VPS13A: variants seen among roughly 807,000 people sequenced by gnomAD.
VPS13A encodes intermembrane lipid transfer protein VPS13A.
Under a neutral mutation model 390.9 loss-of-function variants are expected in VPS13A, and 264 were observed. That is an observed-to-expected ratio of 0.68 (90% CI 0.61 to 0.75). The LOEUF is 0.75. Among genes scored for constraint, VPS13A ranks in the 30% least tolerant of loss-of-function variants. The probability of loss-of-function intolerance (pLI) is 0.00; values close to 1 mark genes in which losing one functional copy is unlikely to be tolerated. For missense variants in VPS13A, 3,409 were observed against 3,733.9 expected (o/e 0.91, Z 2.27); for synonymous variants, 1,231 against 1,227.1 (o/e 1.00, Z -0.07).
chr9:77,345,983 G>A (rs951202564), intron 52 of VPS13A, among the ~76,000 whole-genome samples: 2 of 152,098 alleles, frequency 1.3e-5, no homozygotes, highest in African/African-American at 2.4e-5. Flanking sequence ...CTAAACATGT[G>A]TGCAAGTGTC....
chr9:77,215,207 G>T (rs1201127344), intron 10 of VPS13A, among the ~76,000 whole-genome samples: 1 of 152,188 alleles, frequency 6.6e-6, no homozygotes, highest in Non-Finnish European at 1.5e-5. Context: ...GTTGGTGATG[G>T]ATAACTTAAT....
intron 68 of VPS13A, chr9:77,384,434 A>G (rs1833594725): frequency 1.9e-6 from 2 of 1,045,662 alleles, no homozygotes; most frequent in Non-Finnish European, 2.9e-6. Context: ...ATGGAATATT[A>G]TATCCATAAT....
At chr9:77,317,737 TAAAA>T (rs1344758392) in intron 40 of VPS13A, 39 bp downstream of exon 40, 4 of 1,454,172 alleles carry the variant, frequency 2.8e-6, no homozygotes, top group African/African-American at 2.8e-5. Flanking sequence ...TTAGTGCACT[TAAAA>T]AAAGTAGTAA....
chr9:77,322,666 T>C (rs569307068), intron 44 of VPS13A, among the ~76,000 whole-genome samples: 3 of 152,050 alleles, frequency 2.0e-5, no homozygotes, highest in East Asian at 1.9e-4. Flanking sequence ...GTCCAAGATA[T>C]AAAGGAAAAG....
At chr9:77,244,814 T>C (rs1162323332) in intron 19 of VPS13A, among the ~76,000 whole-genome samples, 1 of 151,836 alleles carries the variant, frequency 6.6e-6, no homozygotes. Context: ...GAAATGAGAA[T>C]GGATAGATGC....
intron 31 of VPS13A, among the ~76,000 whole-genome samples, chr9:77,284,858 C>T (rs1003935240): frequency 6.6e-6 from 1 of 151,868 alleles, no homozygotes; most frequent in African/African-American, 2.4e-5. Context: ...TGCGCACAAC[C>T]ACACCCAACT....
At chr9:77,238,731 C>T (rs932495982) in intron 19 of VPS13A, among the ~76,000 whole-genome samples, 4 of 152,102 alleles carry the variant, frequency 2.6e-5, no homozygotes, top group African/African-American at 9.7e-5. Flanking sequence ...AAAGTTCTAT[C>T]CTTTTTTATT....
In VPS13A at chr9:77,403,257, G is replaced by A; in HGVS notation, c.9211G>A (p.Ala3071Thr). The A allele has an allele frequency of 1.9e-6, 3 of 1,611,958 alleles. No individual in the cohort carries two copies. The highest frequency in any genetic ancestry group is 1.7e-6 in the Non-Finnish European group (2 of 1,179,382). ...TTAGGTCATGGAAAATGGAAGATTT[G>A]CAAAATACAAATATTTTACCCATGT... ...MLQVMENGRFAKYKYFTHVMI... is the reference protein window; with the variant it reads ...MLQVMENGRFTKYKYFTHVMI... The change falls in exon 69 of 72, where the codon GCA (alanine) becomes ACA (threonine). Residue 3071 changes from alanine to threonine, a missense_variant. Physicochemically the swap from Ala to Thr is moderately conservative, Grantham distance 58. Coordinates refer to ENST00000360280, the MANE Select transcript of VPS13A (RefSeq NM_033305.3).
chr9:77,399,913 TG>T, intron 68 of VPS13A, among the ~76,000 whole-genome samples: 1 of 152,280 alleles, frequency 6.6e-6, no homozygotes, highest in African/African-American at 2.4e-5. Flanking sequence ...TACATTCTCT[TG>T]TAATATAATT....
At chr9:77,239,861 CTCTA>C (rs1482785288) in intron 19 of VPS13A, among the ~76,000 whole-genome samples, 1 of 151,810 alleles carries the variant, frequency 6.6e-6, no homozygotes, top group Admixed American at 6.6e-5. Context: ...GTTAAATATT[CTCTA>C]TCTCTTTTTA....
At position 77,238,207 on chromosome 9, in the gene VPS13A, A is replaced by C. The variant is rs1016268713; in HGVS notation, c.1785+16A>C. The C allele has an allele frequency of 5.6e-6, 9 of 1,610,326 alleles. No individual in the cohort carries two copies. The African/African-American group carries it at 1.1e-4, about 19-fold the overall frequency. On this transcript the variant is annotated intron_variant, in intron 18 of 71. Transcript: ENST00000360280. The stretch of plus-strand genomic sequence containing the variant: ...ATATGATGCAGTAAGCATTTTTTTA[A>C]ATTACTAAGTTTTAATATAATTTAG...
chr9:77,369,235 A>G, intron 62 of VPS13A, 64 bp from the exon 63 acceptor site: 1 of 1,297,270 alleles, frequency 7.7e-7, no homozygotes. Context: ...TGTGTTTTAA[A>G]TAATGTATAA....
chr9:77,307,803 T>C, intron 34 of VPS13A, 142 bp from the exon 35 acceptor site: 1 of 703,488 alleles, frequency 1.4e-6, no homozygotes, highest in South Asian at 1.9e-5. Flanking sequence ...GAAAACTGAA[T>C]ATTCAGTTTG....
intron 19 of VPS13A, among the ~76,000 whole-genome samples, chr9:77,244,102 G>T (rs761491999): frequency 6.6e-6 from 1 of 152,092 alleles, no homozygotes; most frequent in Non-Finnish European, 1.5e-5. Flanking sequence ...GTCAGGTTTG[G>T]TGACGTGTAC....
intron 31 of VPS13A, among the ~76,000 whole-genome samples, chr9:77,291,091 C>T (rs769441138): frequency 2.6e-4 from 40 of 152,222 alleles, no homozygotes; most frequent in Non-Finnish European, 4.9e-4. Flanking sequence ...GGAACTGGGC[C>T]GGACAGCAGG....
At position 77,337,245 on chromosome 9, in the gene VPS13A, T is replaced by C; in HGVS notation, c.6096-10T>C. 6.2e-7 allele frequency: 1 copy of C among 1,608,992 alleles called. No homozygotes were observed. The highest frequency in any genetic ancestry group is 8.5e-7 in the Non-Finnish European group (1 of 1,178,700). On this transcript the variant is annotated splice_polypyrimidine_tract_variant and intron_variant, in intron 46 of 71. Coordinates refer to ENST00000360280, the MANE Select transcript of VPS13A (RefSeq NM_033305.3). ...AAACATTTTAAACTGTATCATTTAA[T>C]CTCATGCAGATCATTCATTTTTCTG...
In VPS13A at chr9:77,293,422, G is replaced by C. The variant is rs757753926; in HGVS notation, c.3421G>C (p.Asp1141His). 2 of 1,611,754 alleles carry C rather than the reference G, an allele frequency of 1.2e-6. No individual in the cohort carries two copies. Among genetic ancestry groups the C allele is most frequent in the Admixed American group, 3.3e-5 (2 of 59,748 alleles). Residue 1141 changes from aspartate to histidine, a missense_variant, in exon 32 of 72, where the codon GAT (aspartate) becomes CAT (histidine). Asp to His is a moderately conservative substitution (Grantham distance 81). Around this residue, in one of 5 missense-constraint regions of VPS13A, gnomAD observed 2,717 missense variants for 2,917.4 expected, o/e 0.93. Coordinates refer to ENST00000360280, the MANE Select transcript of VPS13A (RefSeq NM_033305.3). ...TGCAACTGCTGGTTCTGCATACACA[G>C]ATATGAATGTGGTTGACATTCAGGT... ...MDATAGSAYT[D>H]MNVVDIQVNL... is the part of the protein sequence containing the mutation.
In VPS13A at chr9:77,318,337, T is replaced by C; in HGVS notation, c.5059T>C (p.Trp1687Arg). ...AACGGCTTCTTCTACTGCACATTTA[T>C]GGGAAAAGAAGGATACAAAGACTTT... ...EETASSTAHL[W>R]EKKDTKTLKM... Residue 1687 changes from tryptophan to arginine, a missense_variant, in exon 41 of 72, where the codon TGG (tryptophan) becomes CGG (arginine). Physicochemically the swap from Trp to Arg is moderately radical, Grantham distance 101. Around this residue, in one of 5 missense-constraint regions of VPS13A, gnomAD observed 2,717 missense variants for 2,917.4 expected, o/e 0.93. Transcript: ENST00000360280. The C allele has an allele frequency of 1.9e-6, 3 of 1,613,168 alleles. No homozygotes were observed. The highest frequency in any genetic ancestry group is 1.7e-6 in the Non-Finnish European group (2 of 1,179,778).
intron 5 of VPS13A, among the ~76,000 whole-genome samples, chr9:77,208,169 G>A (rs1245241726): frequency 6.6e-6 from 1 of 152,128 alleles, no homozygotes; most frequent in Non-Finnish European, 1.5e-5. Flanking sequence ...AGTGGTGAGA[G>A]TCAAAGATTA....
Sources: allele counts gnomAD v4.1 joint callset (sites outside exome capture counted in the v4.1 genomes callset), GRCh38; gene constraint gnomAD v4.1.1; regional missense constraint gnomAD v4.1.1; transcripts MANE v1.5; gene names NCBI Gene and HGNC (gene_info 2026-07-23, HGNC 2026-07-21).